TRIO: variants seen among roughly 807,000 people sequenced by gnomAD.
The protein encoded by TRIO is triple functional domain protein.
A neutral mutation model predicts 351.9 loss-of-function variants in TRIO; 58 were observed. The ratio of observed to expected loss-of-function variants is 0.16; its 90% CI spans 0.13 to 0.21. The LOEUF (loss-of-function observed/expected upper bound fraction) is 0.21, where lower values mean the gene tolerates loss of function less well. Ranked by LOEUF, TRIO falls within the 10% of genes least tolerant of loss-of-function variation. TRIO has a pLI of 1.00. For missense variants in TRIO, 3,201 were observed against 4,027.8 expected (o/e 0.79, Z 5.56); for synonymous variants, 1,758 against 1,595.7 (o/e 1.10, Z -2.42).
chr5:14,171,828 C>T (rs572223352), intron 1 of TRIO, among the ~76,000 whole-genome samples: 69 of 152,200 alleles, frequency 4.5e-4, no homozygotes, highest in African/African-American at 1.6e-3. Context: ...CTAGAGTAGC[C>T]TTTTCAGCCA....
Position 14,175,513 on chromosome 5 carries a change from A to G in TRIO, c.157+31631A>G, listed in dbSNP as rs1057029503. ...AAGATTCTAGATTATTATAGTATTGAAAGTTAGAGATATGTCTAGATACAA... is the reference window on the plus strand; with the variant it reads ...AAGATTCTAGATTATTATAGTATTGGAAGTTAGAGATATGTCTAGATACAA... On this transcript the variant is annotated intron_variant, in intron 1 of 56. Coordinates refer to ENST00000344204, the MANE Select transcript of TRIO (RefSeq NM_007118.4). Among the ~76,000 whole-genome samples the G allele has an allele frequency of 7.4e-4, 112 of 152,188 alleles. 1 individual carries two copies. Among genetic ancestry groups the G allele is most frequent in the African/African-American group, 2.6e-3 (108 of 41,434 alleles).
chr5:14,322,799 CTT>C (rs1332390031), intron 9 of TRIO, among the ~76,000 whole-genome samples: 2 of 152,206 alleles, frequency 1.3e-5, no homozygotes, highest in African/African-American at 2.4e-5. Context: ...GATTGTGTCT[CTT>C]AATTAGAATG....
chr5:14,173,362 C>T (rs1190258366), intron 1 of TRIO, among the ~76,000 whole-genome samples: 1 of 151,910 alleles, frequency 6.6e-6, no homozygotes, highest in Non-Finnish European at 1.5e-5. Context: ...AGGCATGCAC[C>T]ACCATGTCCG....
chr5:14,484,984 T>A lies in TRIO; in HGVS notation c.6658-85T>A, dbSNP rs577379060. On this transcript the variant is annotated intron_variant, in intron 46 of 56. Transcript: ENST00000344204. ...AACTGTCCACATAGCCCACATTTTC[T>A]TTGTCCATTCATCGGTCAGTGGACA... 3.4e-5 allele frequency: 46 copies of A among 1,367,684 alleles called. No homozygotes were observed. In the East Asian group the frequency reaches 1.0e-3, roughly 31 times the overall value. 84.7% of individuals were successfully genotyped at this position (1,367,684 alleles called of 1,614,324 possible). A position where few individuals can be genotyped will look rare whatever the true frequency, so the allele number is the denominator to read the frequency against.
chr5:14,357,474 A>G (rs1320125487), intron 11 of TRIO, among the ~76,000 whole-genome samples: 1 of 152,184 alleles, frequency 6.6e-6, no homozygotes, highest in East Asian at 1.9e-4. Flanking sequence ...GCCCAAAGTC[A>G]TTCTTGCCAC....
intron 1 of TRIO, among the ~76,000 whole-genome samples, chr5:14,223,192 T>C (rs1792760336): frequency 6.6e-6 from 1 of 152,204 alleles, no homozygotes. Flanking sequence ...CCCTGAGAGT[T>C]CTTCCAGATT....
chr5:14,199,195 CAAAAAAAAAA>C (rs58856067), intron 1 of TRIO, among the ~76,000 whole-genome samples: 5 of 74,234 alleles, frequency 6.7e-5, no homozygotes, highest in African/African-American at 9.1e-5. Context: ...GAGTGGGACT[CAAAAAAAAAA>C]AAAAAAAAAA....
intron 1 of TRIO, among the ~76,000 whole-genome samples, chr5:14,209,401 C>T (rs909214279): frequency 4.1e-4 from 63 of 152,356 alleles, no homozygotes; most frequent in African/African-American, 1.2e-4. Context: ...CTTCGGAAGT[C>T]ACCATCTGTG....
chr5:14,421,603 G>GAAAA (rs377508422), intron 34 of TRIO, among the ~76,000 whole-genome samples: 16 of 109,272 alleles, frequency 1.5e-4, no homozygotes, highest in African/African-American at 5.2e-4. Flanking sequence ...GACTCCATCT[G>GAAAA]AAAAAAAAAA....
At chr5:14,327,729 A>G (rs1368440148) in intron 9 of TRIO, among the ~76,000 whole-genome samples, 3 of 152,234 alleles carry the variant, frequency 2.0e-5, no homozygotes, top group African/African-American at 7.2e-5. Context: ...ACTGTAGCAG[A>G]GGTGTTACTT....
At chr5:14,343,832 G>T (rs140758337) in intron 11 of TRIO, among the ~76,000 whole-genome samples, 65 of 152,328 alleles carry the variant, frequency 4.3e-4, no homozygotes, top group African/African-American at 1.5e-3. Context: ...GTTTTTAAAA[G>T]ACACTGCCAA....
chr5:14,147,103 C>T (rs1787563982), intron 1 of TRIO, among the ~76,000 whole-genome samples: 1 of 152,156 alleles, frequency 6.6e-6, no homozygotes, highest in Non-Finnish European at 1.5e-5. Flanking sequence ...CTTCACTTTT[C>T]TCCTTTGCAC....
chr5:14,190,945 A>T lies in TRIO; in HGVS notation c.157+47063A>T, dbSNP rs543091066. On this transcript the variant is annotated intron_variant, in intron 1 of 56. Coordinates refer to ENST00000344204, the MANE Select transcript of TRIO (RefSeq NM_007118.4). ...AGCACTTCTCCGATTTCCCTCATGC[A>T]TTAGGTAATGACACTCTCCCCTGAG... Among the ~76,000 whole-genome samples, 55 of 152,284 alleles carry T rather than the reference A, an allele frequency of 3.6e-4. No homozygotes were observed. In the South Asian group the frequency reaches 0.011, roughly 31 times the overall value.
intron 3 of TRIO, among the ~76,000 whole-genome samples, chr5:14,282,983 G>A (rs963774703): frequency 1.3e-5 from 2 of 152,180 alleles, no homozygotes; most frequent in African/African-American, 4.8e-5. Flanking sequence ...TGGCCACAAA[G>A]TGAGTCCTCT....
intron 19 of TRIO, among the ~76,000 whole-genome samples, chr5:14,375,777 G>T (rs1162881928): frequency 1.3e-5 from 2 of 152,184 alleles, no homozygotes. Context: ...AGAGACTGTG[G>T]AAATAGGAGA....
At chr5:14,195,013 A>T (rs1314942148) in intron 1 of TRIO, among the ~76,000 whole-genome samples, 1 of 147,784 alleles carries the variant, frequency 6.8e-6, no homozygotes, top group East Asian at 2.0e-4. Flanking sequence ...ATTTCAGTGT[A>T]TTTTTTTTTT....
At chr5:14,322,783 A>G (rs773455249) in intron 9 of TRIO, among the ~76,000 whole-genome samples, 23 of 152,284 alleles carry the variant, frequency 1.5e-4, no homozygotes, top group Non-Finnish European at 2.9e-4. Context: ...CAGCACTCGC[A>G]GTTTTGATTG....
intron 1 of TRIO, among the ~76,000 whole-genome samples, chr5:14,210,652 C>T (rs1246139911): frequency 6.6e-6 from 1 of 151,906 alleles, no homozygotes; most frequent in African/African-American, 2.4e-5. Flanking sequence ...GGGGAAAAAC[C>T]ATGAAAGAAA....
At chr5:14,393,997 G>A (rs373015189) in intron 27 of TRIO, 41 bp from the exon 28 acceptor site, 15 of 1,362,968 alleles carry the variant, frequency 1.1e-5, no homozygotes, top group African/African-American at 4.3e-5. Context: ...TAATAGTGTA[G>A]CCCTATGATA....
Sources: gnomAD v4.1 joint callset for allele counts (sites outside exome capture counted in the v4.1 genomes callset) on GRCh38, gnomAD v4.1.1 for gene constraint, MANE v1.5 for transcripts, NCBI Gene and HGNC (gene_info 2026-07-23, HGNC 2026-07-21) for gene names.